Variants in KRIT1 observed in about 807,000 individuals in gnomAD.
KRIT1 encodes krev interaction trapped protein 1.
In KRIT1, 45 loss-of-function variants were observed where a neutral mutation model predicts 95.8. The observed-to-expected ratio is 0.47, with a 90% CI of 0.37 to 0.60. The LOEUF (loss-of-function observed/expected upper bound fraction) is 0.60, where lower values mean the gene tolerates loss of function less well. KRIT1 is among the 20% of genes least tolerant of loss of function. KRIT1 has a pLI of 0.00. For synonymous variants in KRIT1, 282 were observed against 278.8 expected, an observed-to-expected ratio of 1.01 and a Z score of -0.11; for missense variants, 788 against 877.5, an observed-to-expected ratio of 0.90 and a Z score of 1.29.
chr7:92,236,374 T>C (rs1395800608), intron 7 of KRIT1, 39 bp downstream of exon 7: 33 of 1,390,494 alleles, frequency 2.4e-5, no homozygotes, highest in Non-Finnish European at 3.3e-5. Context: ...TAAACATGTA[T>C]TTGATTAATT....
In KRIT1 at chr7:92,201,316, A is replaced by G. The variant is rs1026425084; in HGVS notation, c.2133T>C (p.His711=). The G allele has an allele frequency of 1.4e-6, 2 of 1,394,940 alleles. No homozygotes were observed. The highest frequency in any genetic ancestry group is 2.8e-5 in the African/African-American group (2 of 70,600). 86.4% of individuals were successfully genotyped at this position (1,394,940 alleles called of 1,614,324 possible). The change falls in exon 18 of 19, where the codon CAT becomes CAC. Residue 711 remains histidine, a synonymous_variant. Coordinates refer to ENST00000394505, the MANE Select transcript of KRIT1 (RefSeq NM_194454.3). ...SMENKMSFIV[H]TKQAGLVVKL... ...AATAAATGATACTTACCTGTTTTGT[A>G]TGTACTATAAAGCTCATTTTATTTT... is the stretch of plus-strand genomic sequence containing the variant.
At chr7:92,206,938 C>CAAAAAAAAAAAAAAAAAAAAAAAAAAA (rs199771149) in intron 17 of KRIT1, 1 of 73,968 alleles carries the variant, frequency 1.4e-5, no homozygotes, top group Non-Finnish European at 3.3e-5. Flanking sequence ...CCCAGGCAGA[C>CAAAAAAAAAAAAAAAAAAAAAAAAAAA]AAAAAAAAAA....
intron 17 of KRIT1, among the ~76,000 whole-genome samples, chr7:92,209,392 A>G (rs1563230606): frequency 6.6e-6 from 1 of 152,178 alleles, no homozygotes; most frequent in Non-Finnish European, 1.5e-5. Context: ...TAAAAGCCAT[A>G]CAAATTGGTA....
At chr7:92,204,848 T>C (rs867082471) in intron 17 of KRIT1, among the ~76,000 whole-genome samples, 2 of 152,236 alleles carry the variant, frequency 1.3e-5, no homozygotes, top group Middle Eastern at 3.4e-3. Context: ...GGACCCCTGC[T>C]AGAAGAGACT....
chr7:92,210,612 C>T (rs1792587927), intron 17 of KRIT1, among the ~76,000 whole-genome samples: 1 of 152,162 alleles, frequency 6.6e-6, no homozygotes, highest in African/African-American at 2.4e-5. Flanking sequence ...TGCTTTTGGA[C>T]ATTGGTCTAG....
intron 5 of KRIT1, among the ~76,000 whole-genome samples, chr7:92,240,675 A>G (rs995593408): frequency 6.6e-6 from 1 of 152,160 alleles, no homozygotes; most frequent in Non-Finnish European, 1.5e-5. Flanking sequence ...ACTTTTACTT[A>G]GTTTTGGAGA....
At position 92,242,148 on chromosome 7, in the gene KRIT1, CAAAT is replaced by C. The variant is rs1462224531; in HGVS notation, c.-2-15_-2-12del. On this transcript the variant is annotated splice_polypyrimidine_tract_variant and intron_variant, in intron 3 of 18. Transcript: ENST00000394505. Reference sequence around the variant, plus strand: ...CTGGATTTCCCATTGCTTTACAAAACAAATAAAAAAATCCTTTGAAAGATTAAAT... The same window carrying C: ...CTGGATTTCCCATTGCTTTACAAAACAAAAAAATCCTTTGAAAGATTAAAT... The C allele has an allele frequency of 6.9e-7, 1 of 1,442,174 alleles. No individual in the cohort carries two copies. The highest frequency in any genetic ancestry group is 9.7e-7 in the Non-Finnish European group (1 of 1,026,170). 89.3% of individuals were successfully genotyped at this position (1,442,174 alleles called of 1,614,324 possible).
rs537929199 is a variant in KRIT1 at position 92,202,736 on chromosome 7, A to T, written c.2026-1313T>A. ...TGAGACTCCGTCTAAATAAATAAAT[A>T]AAATAAATAAAGTGAGGTTCTGTGA... On this transcript the variant is annotated intron_variant, in intron 17 of 18. Coordinates refer to ENST00000394505, the MANE Select transcript of KRIT1 (RefSeq NM_194454.3). 4.6e-5 allele frequency among the ~76,000 whole-genome samples: 7 copies of T among 152,350 alleles called. No homozygotes were observed. In the East Asian group the frequency reaches 9.6e-4, roughly 21 times the overall value.
rs1799794789 is a variant in KRIT1, at chr7:92,242,076, A to C, written c.60T>G (p.Thr20=). ...AYVAVIRPKN[T]ASLNSREYRA... Reference sequence around the variant, plus strand: ...TGTATTCCCGAGAATTGAGACTGGCAGTATTCTTTGGACGAATAACAGCAA... The same window carrying C: ...TGTATTCCCGAGAATTGAGACTGGCCGTATTCTTTGGACGAATAACAGCAA... Residue 20 remains threonine, a synonymous_variant, in exon 4 of 19, where the codon ACT becomes ACG. Transcript: ENST00000394505. The C allele has an allele frequency of 1.7e-5, 27 of 1,600,462 alleles. No individual in the cohort carries two copies. Among genetic ancestry groups the C allele is most frequent in the South Asian group, 2.2e-5 (2 of 90,758 alleles).
rs1789849193 is a variant in KRIT1 at position 92,200,199 on chromosome 7, A to G, written c.*537T>C. 6.4e-6 allele frequency: 1 copy of G among 156,442 alleles called. No individual in the cohort carries two copies. The highest frequency in any genetic ancestry group is 1.9e-4 in the South Asian group (1 of 5,168). The allele number at this position is 156,442 out of a possible 1,614,324, so 9.7% of individuals were successfully genotyped here. A position where few individuals can be genotyped will look rare whatever the true frequency, so the allele number is the denominator to read the frequency against. On this transcript the variant is annotated 3_prime_UTR_variant, in exon 19 of 19. Transcript: ENST00000394505. ...TTGTCTAATATTATACAGACTATCA[A>G]TCTATAACTTTTTGTGTTTCTCTCA...
chr7:92,215,106 G>A (rs557388217), intron 14 of KRIT1, among the ~76,000 whole-genome samples: 3 of 151,730 alleles, frequency 2.0e-5, no homozygotes, highest in Non-Finnish European at 4.4e-5. Flanking sequence ...TTCGCTGATA[G>A]GAAATAGTTA....
intron 10 of KRIT1, among the ~76,000 whole-genome samples, chr7:92,233,599 G>A (rs1339795568): frequency 6.6e-6 from 1 of 151,668 alleles, no homozygotes; most frequent in African/African-American, 2.4e-5. Flanking sequence ...TGGAGACGGG[G>A]TTTCACCATG....
At chr7:92,202,917 G>C (rs747319654) in intron 17 of KRIT1, among the ~76,000 whole-genome samples, 5 of 152,154 alleles carry the variant, frequency 3.3e-5, no homozygotes, top group African/African-American at 7.2e-5. Context: ...AGACTGAACA[G>C]AGTCAAGATA....
intron 5 of KRIT1, among the ~76,000 whole-genome samples, chr7:92,240,653 C>T (rs1267711862): frequency 6.6e-6 from 1 of 152,112 alleles, no homozygotes; most frequent in Non-Finnish European, 1.5e-5. Flanking sequence ...TTTCCCTAAT[C>T]CATGAACATT....
At chr7:92,224,678 C>G (rs1272025956) in intron 12 of KRIT1, among the ~76,000 whole-genome samples, 26 of 151,986 alleles carry the variant, frequency 1.7e-4, no homozygotes, top group Admixed American at 1.7e-3. Flanking sequence ...GATGGAAAGG[C>G]CAGGTTGAGT....
chr7:92,233,425 T>G (rs990717783), intron 10 of KRIT1, among the ~76,000 whole-genome samples: 2 of 151,332 alleles, frequency 1.3e-5, no homozygotes, highest in East Asian at 1.9e-4. Context: ...TTTTTTTTTT[T>G]GAAATGGAAT....
rs779436307 is a variant in KRIT1, at chr7:92,219,770, G to A, written c.1563+2132C>T. ...ATGCTAACTATTCCTATCATTGAACGTGGAGATGTCTTTCCAGTTATCAGG... is the reference window on the plus strand; with the variant it reads ...ATGCTAACTATTCCTATCATTGAACATGGAGATGTCTTTCCAGTTATCAGG... On this transcript the variant is annotated intron_variant, in intron 14 of 18. Coordinates refer to ENST00000394505, the MANE Select transcript of KRIT1 (RefSeq NM_194454.3). Among the ~76,000 whole-genome samples, 136 of 152,288 alleles carry A rather than the reference G, an allele frequency of 8.9e-4. 3 individuals carry two copies. The Middle Eastern group carries it at 0.01, about 12-fold the overall frequency.
intron 17 of KRIT1, among the ~76,000 whole-genome samples, chr7:92,202,683 C>A (rs544456417): frequency 7.4e-4 from 113 of 152,108 alleles, no homozygotes; most frequent in South Asian, 4.1e-3. Context: ...CCCGAGGTCA[C>A]GCTACTGCAC....
At chr7:92,241,852 CAT>C (rs373162836) in intron 4 of KRIT1, among the ~76,000 whole-genome samples, 180 bp downstream of exon 4, 136 of 152,154 alleles carry the variant, frequency 8.9e-4, no homozygotes, top group African/African-American at 3.2e-3. Flanking sequence ...TAATAACCTA[CAT>C]GTCAATAAAC....
Sources: allele counts gnomAD v4.1 joint callset (sites outside exome capture counted in the v4.1 genomes callset), GRCh38; gene constraint gnomAD v4.1.1; transcripts MANE v1.5; gene names NCBI Gene and HGNC (gene_info 2026-07-23, HGNC 2026-07-21).